CDH18: variants seen among roughly 807,000 people sequenced by gnomAD.
The protein encoded by CDH18 is cadherin-18.
Under a neutral mutation model 67.9 loss-of-function variants are expected in CDH18, and 31 were observed. The ratio of observed to expected loss-of-function variants is 0.46; its 90% CI spans 0.34 to 0.62. The LOEUF (loss-of-function observed/expected upper bound fraction) is 0.62. Ranked by LOEUF, CDH18 falls within the 20% of genes least tolerant of loss-of-function variation. The probability of loss-of-function intolerance (pLI) is 0.01; values close to 1 mark genes in which losing one functional copy is unlikely to be tolerated. For missense variants in CDH18, 890 were observed against 975.5 expected (o/e 0.91, Z 1.17); for synonymous variants, 362 against 347.2 (o/e 1.04, Z -0.48).
chr5:20,056,647 A>G (rs1741998312), intron 2 of CDH18, among the ~76,000 whole-genome samples: 1 of 148,988 alleles, frequency 6.7e-6, no homozygotes, highest in Non-Finnish European at 1.5e-5. Flanking sequence ...GAGACAAACT[A>G]AAAAGCTATA....
At chr5:19,845,637 T>C (rs1010801601) in intron 2 of CDH18, among the ~76,000 whole-genome samples, 1 of 152,074 alleles carries the variant, frequency 6.6e-6, no homozygotes, top group East Asian at 1.9e-4. Context: ...TATTGTATTA[T>C]TCTCTATTCA....
At chr5:20,249,396 T>TG in intron 2 of CDH18, among the ~76,000 whole-genome samples, 1 of 150,606 alleles carries the variant, frequency 6.6e-6, no homozygotes, top group Non-Finnish European at 1.5e-5. Context: ...TTTTTTTTTT[T>TG]TTTTGAGACG....
intron 1 of CDH18, among the ~76,000 whole-genome samples, chr5:20,288,616 T>C (rs1369515319): frequency 6.6e-6 from 1 of 151,684 alleles, no homozygotes; most frequent in African/African-American, 2.4e-5. Flanking sequence ...ACCTAACAAA[T>C]AAAGAACAAA....
intron 2 of CDH18, among the ~76,000 whole-genome samples, chr5:20,231,427 C>A (rs970781267): frequency 6.6e-6 from 1 of 151,650 alleles, no homozygotes; most frequent in Admixed American, 6.6e-5. Flanking sequence ...ATGGTGAAAC[C>A]CCGTCTCTAC....
intron 5 of CDH18, among the ~76,000 whole-genome samples, chr5:19,717,187 C>T (rs1046551571): frequency 2.0e-5 from 3 of 152,018 alleles, no homozygotes; most frequent in African/African-American, 7.2e-5. Flanking sequence ...GGTTTTCAGG[C>T]TTCCTGAATT....
intron 5 of CDH18, among the ~76,000 whole-genome samples, chr5:19,697,542 C>T (rs972526405): frequency 6.6e-6 from 1 of 152,046 alleles, no homozygotes; most frequent in Admixed American, 6.6e-5. Context: ...AAAGTTTACA[C>T]ATAAACTCTG....
intron 9 of CDH18, among the ~76,000 whole-genome samples, chr5:19,531,455 A>G (rs919478228): frequency 1.3e-5 from 2 of 152,198 alleles, no homozygotes; most frequent in African/African-American, 4.8e-5. Context: ...CTGGCAACAC[A>G]TGCGGAAGAC....
chr5:20,443,560 T>A (rs1237896360), intron 1 of CDH18, among the ~76,000 whole-genome samples: 1 of 151,874 alleles, frequency 6.6e-6, no homozygotes, highest in African/African-American at 2.4e-5. Context: ...ATCCCGTATT[T>A]TCCTGGAGAC....
At chr5:19,796,221 G>A (rs1400073675) in intron 3 of CDH18, among the ~76,000 whole-genome samples, 1 of 152,052 alleles carries the variant, frequency 6.6e-6, no homozygotes, top group Non-Finnish European at 1.5e-5. Context: ...GATCCAAGAA[G>A]CTGAGAGAAT....
intron 2 of CDH18, among the ~76,000 whole-genome samples, chr5:19,840,370 T>C (rs943955867): frequency 4.6e-5 from 7 of 151,722 alleles, no homozygotes; most frequent in African/African-American, 1.7e-4. Context: ...GAAAAACATT[T>C]CTGAAAAACT....
chr5:19,907,021 C>T (rs1312553655), intron 2 of CDH18, among the ~76,000 whole-genome samples: 1 of 151,948 alleles, frequency 6.6e-6, no homozygotes, highest in Non-Finnish European at 1.5e-5. Flanking sequence ...GTTTTGTCTA[C>T]TCTAAGGTAT....
intron 2 of CDH18, among the ~76,000 whole-genome samples, chr5:20,156,317 T>C (rs894267200): frequency 6.6e-6 from 1 of 152,142 alleles, no homozygotes; most frequent in Non-Finnish European, 1.5e-5. Context: ...AGCAAAATCA[T>C]GGAATCAACC....
intron 2 of CDH18, among the ~76,000 whole-genome samples, chr5:19,905,455 C>G (rs913287711): frequency 7.3e-6 from 1 of 137,650 alleles, no homozygotes; most frequent in Non-Finnish European, 1.6e-5. Flanking sequence ...ATTGTATGAT[C>G]AATGATTTAT....
intron 2 of CDH18, among the ~76,000 whole-genome samples, chr5:20,110,838 T>A (rs1487362793): frequency 1.3e-5 from 2 of 152,164 alleles, no homozygotes; most frequent in African/African-American, 4.8e-5. Flanking sequence ...ACACTTTTAT[T>A]TTTCACTAAT....
At chr5:20,298,530 T>C (rs992751639) in intron 1 of CDH18, among the ~76,000 whole-genome samples, 1 of 152,188 alleles carries the variant, frequency 6.6e-6, no homozygotes, top group African/African-American at 2.4e-5. Flanking sequence ...AGATATTGCA[T>C]CTCAAATTTA....
rs577794501 is a variant in CDH18, at chr5:20,308,430, C to G, written c.-579-52925G>C. On this transcript the variant is annotated intron_variant, in intron 1 of 14. Transcript: ENST00000507958. ...TGGCGGCAGGTGCCTGTACTCCCAG[C>G]TACTTGGGAGGCTGAGGTAGGAGAA... Among the ~76,000 whole-genome samples the G allele has an allele frequency of 4.6e-5, 7 of 151,708 alleles. No homozygotes were observed. In the East Asian group the frequency reaches 1.4e-3, roughly 30 times the overall value.
At chr5:20,466,063 A>C (rs1175934318) in intron 1 of CDH18, among the ~76,000 whole-genome samples, 1 of 152,062 alleles carries the variant, frequency 6.6e-6, no homozygotes, top group Non-Finnish European at 1.5e-5. Context: ...CATACAGAAG[A>C]ATTAAATTAC....
At chr5:19,845,712 T>A (rs1054456771) in intron 2 of CDH18, among the ~76,000 whole-genome samples, 1 of 151,778 alleles carries the variant, frequency 6.6e-6, no homozygotes, top group Admixed American at 6.6e-5. Context: ...TATTTATAAT[T>A]GTTTTTTTTC....
intron 2 of CDH18, among the ~76,000 whole-genome samples, chr5:19,917,566 T>C (rs1043291801): frequency 1.3e-5 from 2 of 152,132 alleles, no homozygotes. Context: ...GTGGAAAGCA[T>C]TGTTTCCAGT....
Sources: allele counts gnomAD v4.1 joint callset (sites outside exome capture counted in the v4.1 genomes callset), GRCh38; gene constraint gnomAD v4.1.1; transcripts MANE v1.5; gene names NCBI Gene and HGNC (gene_info 2026-07-23, HGNC 2026-07-21).